The following ACBD6 variants were observed in gnomAD, a reference collection of about 807,000 sequenced individuals.
The protein encoded by ACBD6 is acyl-CoA binding domain containing 6, also known as acyl-CoA-binding domain-containing protein 6.
A neutral mutation model predicts 37.2 loss-of-function variants in ACBD6; 28 were observed. The observed-to-expected ratio is 0.75, with a 90% CI of 0.56 to 1.03. ACBD6 has a LOEUF of 1.03. ACBD6 is among the 50% of genes least tolerant of loss of function. The pLI, the probability that ACBD6 is intolerant of heterozygous loss-of-function variation, is 0.00. For synonymous variants in ACBD6, 113 were observed against 126.8 expected, an observed-to-expected ratio of 0.89 and a Z score of 0.73; for missense variants, 340 against 337.4, an observed-to-expected ratio of 1.01 and a Z score of -0.06.
chr1:180,499,585 T>A (rs559837224), intron 1 of ACBD6, among the ~76,000 whole-genome samples: 1 of 152,290 alleles, frequency 6.6e-6, no homozygotes, highest in Non-Finnish European at 1.5e-5. Flanking sequence ...AACAAAGATA[T>A]GTCCTAGAAC....
At position 180,427,456 on chromosome 1, in the gene ACBD6, C is replaced by T. The variant is rs765517519; in HGVS notation, c.467+2724G>A. Among the ~76,000 whole-genome samples the T allele has an allele frequency of 1.3e-5, 2 of 152,170 alleles. 1 individual carries two copies. Among genetic ancestry groups the T allele is most frequent in the Non-Finnish European group, 2.9e-5 (2 of 68,022 alleles). On this transcript the variant is annotated intron_variant, in intron 4 of 7. Transcript: ENST00000367595. ...GCAATTAATATCAATTAAAGCACAA[C>T]TTTCTCTTAGAAAAATAAAACACCA...
At chr1:180,326,515 C>T (rs543120502) in intron 6 of ACBD6, 11 of 152,568 alleles carry the variant, frequency 7.2e-5, no homozygotes, top group African/African-American at 2.6e-4. Context: ...GAATCAGGCA[C>T]CCCAACAGCC....
chr1:180,482,742 T>G (rs149236042), intron 3 of ACBD6, among the ~76,000 whole-genome samples: 8 of 152,310 alleles, frequency 5.3e-5, no homozygotes, highest in Non-Finnish European at 7.4e-5. Flanking sequence ...AAACGTTCAA[T>G]TTTCAAAGAA....
At chr1:180,457,701 A>G (rs1649976807) in intron 3 of ACBD6, among the ~76,000 whole-genome samples, 1 of 152,122 alleles carries the variant, frequency 6.6e-6, no homozygotes, top group Non-Finnish European at 1.5e-5. Flanking sequence ...AAGCCAGAGA[A>G]TTTTCACATA....
intron 3 of ACBD6, among the ~76,000 whole-genome samples, chr1:180,451,850 A>T (rs1341509189): frequency 6.6e-6 from 1 of 152,206 alleles, no homozygotes; most frequent in East Asian, 1.9e-4. Flanking sequence ...TGTACACTTA[A>T]ATGGGAGAAC....
At chr1:180,388,831 ATACT>A (rs150889463) in intron 6 of ACBD6, among the ~76,000 whole-genome samples, 23,935 of 152,114 alleles carry the variant, frequency 0.16, 1,913 homozygotes, top group Middle Eastern at 0.22. Flanking sequence ...AAAACATAAA[ATACT>A]TAGTAATAAA....
At chr1:180,470,515 G>T (rs1028496437) in intron 3 of ACBD6, among the ~76,000 whole-genome samples, 1 of 152,152 alleles carries the variant, frequency 6.6e-6, no homozygotes, top group African/African-American at 2.4e-5. Flanking sequence ...ACTTAGAATA[G>T]CAATGAACTG....
chr1:180,285,957 A>G (rs955784382), downstream of ACBD6, among the ~76,000 whole-genome samples: 19 of 152,252 alleles, frequency 1.2e-4, no homozygotes, highest in Admixed American at 6.5e-4. Context: ...GGTTTAAAAG[A>G]TTTAGTTAGT....
intron 3 of ACBD6, among the ~76,000 whole-genome samples, chr1:180,436,163 C>G (rs1649026467): frequency 6.6e-6 from 1 of 152,112 alleles, no homozygotes; most frequent in East Asian, 1.9e-4. Flanking sequence ...TTGGGGGTAA[C>G]TTGGTGGCCC....
At chr1:180,387,611 C>T (rs775460962) in intron 6 of ACBD6, among the ~76,000 whole-genome samples, 1 of 152,202 alleles carries the variant, frequency 6.6e-6, no homozygotes, top group Admixed American at 6.5e-5. Flanking sequence ...GTTGATAACA[C>T]CTTGATGGGG....
chr1:180,369,240 C>T (rs1000110555), intron 6 of ACBD6, among the ~76,000 whole-genome samples: 20 of 152,318 alleles, frequency 1.3e-4, no homozygotes, highest in South Asian at 4.1e-4. Flanking sequence ...TCCTCACAGA[C>T]GTGAGTATAG....
chr1:180,457,850 T>C (rs1185733729), intron 3 of ACBD6, among the ~76,000 whole-genome samples: 1 of 150,202 alleles, frequency 6.7e-6, no homozygotes, highest in African/African-American at 2.5e-5. Context: ...TGGAGTACAA[T>C]GGCACGATCT....
intron 5 of ACBD6, among the ~76,000 whole-genome samples, chr1:180,397,985 G>A (rs947339902): frequency 6.6e-6 from 1 of 151,976 alleles, no homozygotes; most frequent in Non-Finnish European, 1.5e-5. Flanking sequence ...CTCGGGAGGC[G>A]GAGGTTGCAG....
intron 3 of ACBD6, among the ~76,000 whole-genome samples, chr1:180,472,996 T>A (rs1162664084): frequency 6.6e-5 from 10 of 152,094 alleles, no homozygotes; most frequent in Non-Finnish European, 1.2e-4. Context: ...AAGCATAGAA[T>A]AATTCCATAG....
intron 6 of ACBD6, among the ~76,000 whole-genome samples, chr1:180,341,029 A>G (rs1409074122): frequency 6.6e-6 from 1 of 152,112 alleles, no homozygotes; most frequent in Admixed American, 6.6e-5. Context: ...ACATGGAGTG[A>G]GCATGGTTGT....
intron 5 of ACBD6, among the ~76,000 whole-genome samples, chr1:180,412,999 G>A (rs1302403605): frequency 6.6e-6 from 1 of 152,158 alleles, no homozygotes; most frequent in Admixed American, 6.5e-5. Flanking sequence ...ATTGAGCAAA[G>A]AACAATATAC....
intron 6 of ACBD6, among the ~76,000 whole-genome samples, chr1:180,377,453 G>C (rs1401813487): frequency 6.6e-6 from 1 of 152,198 alleles, no homozygotes; most frequent in African/African-American, 2.4e-5. Flanking sequence ...GGGAACCAGT[G>C]ATCCTTGGAG....
intron 7 of ACBD6, among the ~76,000 whole-genome samples, chr1:180,312,732 C>G (rs1417928060): frequency 6.6e-6 from 1 of 152,106 alleles, no homozygotes; most frequent in African/African-American, 2.4e-5. Flanking sequence ...AGTTTAAGAG[C>G]TTTTATCATA....
chr1:180,350,421 CTAT>C (rs1325456301), intron 6 of ACBD6, among the ~76,000 whole-genome samples: 1 of 16,526 alleles, frequency 6.1e-5, no homozygotes, highest in Admixed American at 8.5e-4. Flanking sequence ...TCTATATTTT[CTAT>C]TGTTGTTACC....
Sources: allele counts gnomAD v4.1 joint callset (sites outside exome capture counted in the v4.1 genomes callset), GRCh38; gene constraint gnomAD v4.1.1; transcripts MANE v1.5; gene names NCBI Gene and HGNC (gene_info 2026-07-23, HGNC 2026-07-21).